Variants in COL2A1 observed in about 807,000 individuals in gnomAD.
COL2A1 encodes the protein collagen alpha-1(II) chain.
Under a neutral mutation model 204.5 loss-of-function variants are expected in COL2A1, and 28 were observed. The ratio of observed to expected loss-of-function variants is 0.14; its 90% CI spans 0.10 to 0.19. The LOEUF (loss-of-function observed/expected upper bound fraction) is 0.19, where lower values mean the gene tolerates loss of function less well. Ranked by LOEUF, COL2A1 falls within the 10% of genes least tolerant of loss-of-function variation. The pLI, the probability that COL2A1 is intolerant of heterozygous loss-of-function variation, is 1.00. For missense variants in COL2A1, 1,388 were observed against 2,027.5 expected (o/e 0.68, Z 6.06); for synonymous variants, 708 against 718.7 (o/e 0.99, Z 0.24).
At position 47,999,990 on chromosome 12, in the gene COL2A1, T is replaced by C. The variant is rs750031645; in HGVS notation, c.221A>G (p.Asp74Gly). Reference sequence around the variant, plus strand: ...GAAGGGGATCTCAGGGCTGAGGCAGTCTTTCACGTCTTCACAGATTATGTC... The same window carrying C: ...GAAGGGGATCTCAGGGCTGAGGCAGCCTTTCACGTCTTCACAGATTATGTC... ...CDDIICEDVK[D>G]CLSPEIPFGE... The change falls in exon 2 of 54, where the codon GAC becomes GGC. Residue 74 changes from aspartate (D) to glycine (G), a missense_variant. Asp to Gly is a moderately conservative substitution (Grantham distance 94). Coordinates refer to ENST00000380518, the MANE Select transcript of COL2A1 (RefSeq NM_001844.5). 6.2e-7 allele frequency: 1 copy of C among 1,614,220 alleles called. No individual in the cohort carries two copies. Among genetic ancestry groups the C allele is most frequent in the Non-Finnish European group, 8.5e-7 (1 of 1,180,032 alleles).
intron 41 of COL2A1, among the ~76,000 whole-genome samples, 181 bp downstream of exon 41, chr12:47,979,330 A>C (rs555216684): frequency 3.9e-5 from 6 of 152,260 alleles, no homozygotes; most frequent in African/African-American, 1.4e-4. Flanking sequence ...CAGCAGGGCC[A>C]CAACCCTGCC....
At chr12:47,985,506 C>T in intron 26 of COL2A1, 28 bp downstream of exon 26, 1 of 1,612,288 alleles carries the variant, frequency 6.2e-7, no homozygotes, top group East Asian at 2.2e-5. Context: ...CCCCCACCCT[C>T]CTAGCAGCCC....
At chr12:47,986,531 G>C in intron 22 of COL2A1, 88 bp from the exon 23 acceptor site, 1 of 856,310 alleles carries the variant, frequency 1.2e-6, no homozygotes, top group Non-Finnish European at 1.9e-6. Flanking sequence ...AAGTAGCCTT[G>C]GCAACTGTTT....
At chr12:47,994,304 A>G (rs1276847724) in intron 12 of COL2A1, 120 bp downstream of exon 12, 9 of 1,116,602 alleles carry the variant, frequency 8.1e-6, no homozygotes, top group Admixed American at 1.9e-5. Context: ...CGTGATAAAT[A>G]TAGGGGCTAC....
At chr12:47,974,620 A>T in intron 52 of COL2A1, 55 bp downstream of exon 52, 1 of 1,584,994 alleles carries the variant, frequency 6.3e-7, no homozygotes, top group Non-Finnish European at 8.7e-7. Flanking sequence ...GAGAAAGAAA[A>T]GAAAGAGTTT....
upstream of COL2A1, chr12:48,005,231 T>C (rs1329701613): frequency 6.6e-6 from 1 of 152,630 alleles, no homozygotes; most frequent in Non-Finnish European, 1.5e-5. Flanking sequence ...GAGACCTGTG[T>C]GAAGGTGTGG....
intron 41 of COL2A1, 143 bp downstream of exon 41, chr12:47,979,368 C>G: frequency 1.1e-6 from 1 of 881,022 alleles, no homozygotes; most frequent in Non-Finnish European, 1.9e-6. Flanking sequence ...GATAGGTCCC[C>G]ATGATCAGTT....
intron 14 of COL2A1, 98 bp from the exon 15 acceptor site, chr12:47,993,600 G>C: frequency 8.3e-7 from 1 of 1,200,778 alleles, no homozygotes; most frequent in Non-Finnish European, 1.2e-6. Context: ...ATCTCAGCTC[G>C]CACTGACACA....
At position 47,986,353 on chromosome 12, in the gene COL2A1, C is replaced by T. The variant is rs121912880; in HGVS notation, c.1510G>A (p.Gly504Ser). ...CACTTAACTCTTTCTCCAGGGGGAC[C>T]GATGGGCCCAACGCCACCAGGCTCT... Reference protein sequence around the residue: ...RGEPGGVGPIGPPGERGAPGN... With the variant: ...RGEPGGVGPISPPGERGAPGN... The change falls in exon 23 of 54, where the codon GGT becomes AGT. Residue 504 changes from glycine to serine, a missense_variant. Around this residue, in one of 3 missense-constraint regions of COL2A1, gnomAD observed 884 missense variants for 1,415.8 expected, o/e 0.62. Transcript: ENST00000380518. 6.4e-7 allele frequency: 1 copy of T among 1,565,672 alleles called. No individual in the cohort carries two copies.
chr12:47,982,429 C>A, intron 34 of COL2A1, 73 bp downstream of exon 34: 4 of 1,282,290 alleles, frequency 3.1e-6, no homozygotes, highest in Non-Finnish European at 3.4e-6. Context: ...CATAAGGGAA[C>A]GGAAGCGATC....
rs1938979290 is a variant in COL2A1, at chr12:47,980,298, G to C, written c.2626-236C>G. Among the ~76,000 whole-genome samples the C allele has an allele frequency of 6.6e-6, 1 of 152,158 alleles. No homozygotes were observed. The highest frequency in any genetic ancestry group is 1.5e-5 in the Non-Finnish European group (1 of 68,012). On this transcript the variant is annotated intron_variant, in intron 39 of 53. Coordinates refer to ENST00000380518, the MANE Select transcript of COL2A1 (RefSeq NM_001844.5). The surrounding 1 kb of genome is among the most constrained non-coding windows in gnomAD (Gnocchi z 4.5). ...ACCGGTCTGGGGTCTGGCCTCCCGGGAAGCTCTTCCTGCCACCGCCCCCTC... is the reference window on the plus strand; with the variant it reads ...ACCGGTCTGGGGTCTGGCCTCCCGGCAAGCTCTTCCTGCCACCGCCCCCTC...
rs781604018 is a variant in COL2A1 at position 47,974,346 on chromosome 12, A to G, written c.4075-15T>C. 1.1e-5 allele frequency: 18 copies of G among 1,613,136 alleles called. No individual in the cohort carries two copies. The Admixed American group carries it at 2.5e-4, about 22-fold the overall frequency. On this transcript the variant is annotated splice_polypyrimidine_tract_variant and intron_variant, in intron 52 of 53. Transcript: ENST00000380518. Reference sequence around the variant, plus strand: ...CCATAGCTGAACTGTTGGGGCAGAGAGCGGCAGTGTGAGGCCTGGGAGCTG... The same window carrying G: ...CCATAGCTGAACTGTTGGGGCAGAGGGCGGCAGTGTGAGGCCTGGGAGCTG...
At position 47,984,560 on chromosome 12, in the gene COL2A1, C is replaced by A; in HGVS notation, c.1873G>T (p.Ala625Ser). ...AGGATACTTACCCTCAGACCAGGAGCACCAGGCAGTCCCTTCTCACCAGCT... is the reference window on the plus strand; with the variant it reads ...AGGATACTTACCCTCAGACCAGGAGAACCAGGCAGTCCCTTCTCACCAGCT... ...GKAGEKGLPGAPGLRGLPGKD... is the reference protein window; with the variant it reads ...GKAGEKGLPGSPGLRGLPGKD... Residue 625 changes from alanine (A) to serine (S), a missense_variant, in exon 28 of 54, where the codon GCT becomes TCT. Ala to Ser is a moderately conservative substitution (Grantham distance 99, BLOSUM62 1). Transcript: ENST00000380518. The A allele has an allele frequency of 6.2e-7, 1 of 1,614,176 alleles. No individual in the cohort carries two copies. Among genetic ancestry groups the A allele is most frequent in the East Asian group, 2.2e-5 (1 of 44,886 alleles).
In COL2A1 at chr12:47,980,834, G is replaced by A. The variant is rs960825759; in HGVS notation, c.2517+81C>T. On this transcript the variant is annotated intron_variant, in intron 38 of 53. Coordinates refer to ENST00000380518, the MANE Select transcript of COL2A1 (RefSeq NM_001844.5). This position sits in a 1 kb window ranked among gnomAD's most constrained non-coding sequence, Gnocchi z 4.5. ...GAGAGGAGCATCCATTTCCCTCCCT[G>A]ACAAGCTCCGATGCCCGAGGGTGCT... The A allele has an allele frequency of 2.7e-6, 4 of 1,504,920 alleles. No individual in the cohort carries two copies. In the African/African-American group the frequency reaches 4.2e-5, roughly 16 times the overall value. 93.2% of individuals were successfully genotyped at this position (1,504,920 alleles called of 1,614,324 possible). A position where few individuals can be genotyped will look rare whatever the true frequency, so the allele number is the denominator to read the frequency against.
At chr12:47,996,694 T>C in intron 7 of COL2A1, 69 bp from the exon 8 acceptor site, 1 of 1,190,400 alleles carries the variant, frequency 8.4e-7, no homozygotes, top group South Asian at 1.2e-5. Context: ...CTAGGTAAGC[T>C]CTATATGGAT....
rs781523352 is a variant in COL2A1, at chr12:47,980,568, C to T, written c.2611G>A (p.Ala871Thr). ...GAPGPQGPSG[A>T]PGPQGPTGVT... ...GCGTTACCCACCTGAGGCCCAGGTG[C>T]TCCAGAGGGGCCCTGAGGACCAGGG... Residue 871 changes from alanine (A) to threonine (T), a missense_variant, in exon 39 of 54, where the codon GCA becomes ACA. Physicochemically the swap from Ala to Thr is moderately conservative, Grantham distance 58 (BLOSUM62 0). This residue lies in a region of COL2A1 where 884 missense variants were observed against 1,415.8 expected (regional missense o/e 0.62). Coordinates refer to ENST00000380518, the MANE Select transcript of COL2A1 (RefSeq NM_001844.5). The surrounding 1 kb of genome is among the most constrained non-coding windows in gnomAD (Gnocchi z 4.5). 5 of 1,610,090 alleles carry T rather than the reference C, an allele frequency of 3.1e-6. No homozygotes were observed. Among genetic ancestry groups the T allele is most frequent in the Non-Finnish European group, 2.5e-6 (3 of 1,178,498 alleles).
At chr12:47,998,135 G>A (rs200634895) in intron 4 of COL2A1, 34 bp downstream of exon 4, 1 of 1,614,174 alleles carries the variant, frequency 6.2e-7, no homozygotes, top group Non-Finnish European at 8.5e-7. Context: ...TAGAGCAGCA[G>A]CTGCAATACC....
chr12:47,973,166 T>G lies in COL2A1; in HGVS notation c.*241A>C. The G allele has an allele frequency of 1.6e-6, 1 of 629,756 alleles. No homozygotes were observed. 39.0% of individuals were successfully genotyped at this position (629,756 alleles called of 1,614,324 possible). On this transcript the variant is annotated 3_prime_UTR_variant, in exon 54 of 54. Transcript: ENST00000380518. The stretch of plus-strand genomic sequence containing the variant: ...ACCAGTTAGTTTCCTGCCTCTGCCT[T>G]GACCCGAAGGTCTTACAGGAAGACA...
rs1938616729 is a variant in COL2A1 at position 47,974,849 on chromosome 12, A to G, written c.3900T>C (p.Ile1300=). 5 of 1,613,766 alleles carry G rather than the reference A, an allele frequency of 3.1e-6. No homozygotes were observed. Among genetic ancestry groups the G allele is most frequent in the Non-Finnish European group, 3.4e-6 (4 of 1,179,698 alleles). The part of the protein sequence containing the change: ...HPEWKSGDYW[I]DPNQGCTLDA... The stretch of plus-strand genomic sequence containing the variant: ...CCAAGGTGCAGCCTTGGTTGGGGTC[A>G]ATCCAGTAGTCTCCTGCAGGGGGAA... The change falls in exon 52 of 54, where the codon ATT becomes ATC. Residue 1300 remains isoleucine (I), a synonymous_variant. Coordinates refer to ENST00000380518, the MANE Select transcript of COL2A1 (RefSeq NM_001844.5).
Sources: allele counts gnomAD v4.1 joint callset (sites outside exome capture counted in the v4.1 genomes callset), GRCh38; gene constraint gnomAD v4.1.1; regional missense constraint gnomAD v4.1.1; non-coding constraint Gnocchi (gnomAD v3.1); transcripts MANE v1.5; gene names NCBI Gene and HGNC (gene_info 2026-07-23, HGNC 2026-07-21).